The following C11orf65 variants were observed in gnomAD, a reference collection of about 807,000 sequenced individuals.
The protein encoded by C11orf65 is protein MFI.
In C11orf65, 38 loss-of-function variants were observed where a neutral mutation model predicts 35.3. The observed-to-expected ratio is 1.08, with a 90% CI of 0.83 to 1.41. The LOEUF is 1.41. Ranked by LOEUF, C11orf65 falls within the 40% of genes most tolerant of loss-of-function variation. C11orf65 has a pLI of 0.00. For synonymous variants in C11orf65, 105 were observed against 114.4 expected (o/e 0.92, Z 0.53); for missense variants, 370 against 367.1 (o/e 1.01, Z -0.06).
chr11:108,450,485 A>G (rs190716530), intron 2 of C11orf65, among the ~76,000 whole-genome samples: 57 of 151,666 alleles, frequency 3.8e-4, no homozygotes, highest in Middle Eastern at 3.4e-3. Context: ...GAACATGGAT[A>G]AAACTGGAAA....
chr11:108,352,974 GTATGAAGGATCCT>G (rs1043701939), intron 2 of C11orf65, among the ~76,000 whole-genome samples: 10 of 152,098 alleles, frequency 6.6e-5, no homozygotes, highest in African/African-American at 2.4e-4. Flanking sequence ...GTAAAGGGCA[GTATGAAGGATCCT>G]TATGATAGGA....
chr11:108,440,183 C>T (rs186793447), intron 2 of C11orf65, among the ~76,000 whole-genome samples: 1 of 152,162 alleles, frequency 6.6e-6, no homozygotes, highest in African/African-American at 2.4e-5. Flanking sequence ...TAATCAAGGG[C>T]AAATATTGTA....
chr11:108,358,464 G>C (rs1007007104), intron 2 of C11orf65, among the ~76,000 whole-genome samples: 2 of 151,008 alleles, frequency 1.3e-5, no homozygotes, highest in African/African-American at 2.4e-5. Flanking sequence ...GATACTCTTT[G>C]AGAAGAGCAA....
intron 2 of C11orf65, among the ~76,000 whole-genome samples, chr11:108,460,698 A>T (rs943173413): frequency 1.3e-5 from 2 of 152,048 alleles, no homozygotes; most frequent in East Asian, 3.8e-4. Flanking sequence ...AAATAATTGT[A>T]ACTTTTTGAA....
Position 108,385,931 on chromosome 11 carries a change from G to A in C11orf65, c.776C>T (p.Ala259Val). The A allele has an allele frequency of 6.2e-7, 1 of 1,613,812 alleles. No homozygotes were observed. The change falls in exon 8 of 9, where the codon GCT (alanine) becomes GTT (valine). Residue 259 changes from alanine (A) to valine (V), a missense_variant. Coordinates refer to ENST00000393084, the MANE Select transcript of C11orf65 (RefSeq NM_152587.5). ...TAAAAATCACCTACCTTTGAAGTTA[G>A]CCGAAGAGTTGCTTGTAGCAATTTC... ...WKEIATSNSS[A>V]NFKGFRFNQA...
intron 6 of C11orf65, among the ~76,000 whole-genome samples, chr11:108,314,070 G>T (rs945803201): frequency 1.1e-4 from 17 of 151,982 alleles, no homozygotes; most frequent in African/African-American, 3.9e-4. Context: ...ACCAAATTGA[G>T]TTTTCAAGAG....
rs141842151 is a variant in C11orf65, at chr11:108,403,924, T to C, written c.560+1505A>G. On this transcript the variant is annotated intron_variant, in intron 6 of 8. Coordinates refer to ENST00000393084, the MANE Select transcript of C11orf65 (RefSeq NM_152587.5). The stretch of plus-strand genomic sequence containing the variant: ...CTGACTGATTCCAAGGAATGAGTCA[T>C]CTTGCTCACCTGATTATTAAGATTC... Among the ~76,000 whole-genome samples the C allele has an allele frequency of 2.6e-5, 4 of 152,184 alleles. No homozygotes were observed. In the East Asian group the frequency reaches 7.7e-4, roughly 29 times the overall value.
rs55778600 is a variant in C11orf65, at chr11:108,346,398, T to G, written c.227-11106A>C. 6.1e-3 allele frequency: 940 copies of G among 153,198 alleles called. 9 individuals are homozygous for G. Among genetic ancestry groups the G allele is most frequent in the South Asian group, 0.047 (227 of 4,872 alleles). The allele number at this position is 153,198 out of a possible 1,614,324, so 9.5% of individuals were successfully genotyped here. The stretch of plus-strand genomic sequence containing the variant: ...TTTTGTGTACAATATATATTTTGAC[T>G]TTTTTTCCCTAAGAAATTAGAATAG... On this transcript the variant is annotated intron_variant, in intron 2 of 3. Coordinates refer to the C11orf65 transcript ENST00000524755.
chr11:108,402,576 T>C (rs953028713), intron 6 of C11orf65, among the ~76,000 whole-genome samples: 2 of 151,790 alleles, frequency 1.3e-5, no homozygotes, highest in African/African-American at 4.8e-5. Flanking sequence ...TTTTTTTTAC[T>C]ATTTTATTGA....
chr11:108,402,547 C>T (rs947366330), intron 6 of C11orf65, among the ~76,000 whole-genome samples: 3 of 130,200 alleles, frequency 2.3e-5, no homozygotes, highest in Non-Finnish European at 4.8e-5. Flanking sequence ...TGATTTTCTG[C>T]ACAGGTTTTT....
intron 6 of C11orf65, among the ~76,000 whole-genome samples, chr11:108,399,210 C>T (rs2092388128): frequency 6.6e-6 from 1 of 152,150 alleles, no homozygotes. Context: ...GAGCTGTCTG[C>T]CTCATATAAG....
intron 1 of C11orf65, among the ~76,000 whole-genome samples, chr11:108,467,198 G>A (rs1011415200): frequency 2.6e-5 from 4 of 152,144 alleles, no homozygotes; most frequent in Non-Finnish European, 1.5e-5. Context: ...TGAGCAGTAA[G>A]GACTTGTCAA....
At chr11:108,335,260 A>G (rs760976326) in exon 3 of C11orf65, 83 of 1,530,614 alleles carry the variant, frequency 5.4e-5, no homozygotes, top group Non-Finnish European at 6.8e-5. Context: ...ATTATTTTCT[A>G]GAACCAGGCT....
intron 7 of C11orf65, among the ~76,000 whole-genome samples, chr11:108,386,852 T>C (rs2092012882): frequency 6.6e-6 from 1 of 151,932 alleles, no homozygotes; most frequent in Non-Finnish European, 1.5e-5. Flanking sequence ...AAGGCCGAGG[T>C]GGGCGGATCA....
rs568799130 is a variant in C11orf65 at position 108,453,148 on chromosome 11, A to T, written c.81+8331T>A. On this transcript the variant is annotated intron_variant, in intron 2 of 8. Coordinates refer to ENST00000393084, the MANE Select transcript of C11orf65 (RefSeq NM_152587.5). ...GTACCCTAGAACTTAAAGTATAATT[A>T]AAAAAAAAAGAAAAAAGAAAAAAAA... 8.3e-4 allele frequency among the ~76,000 whole-genome samples: 121 copies of T among 144,946 alleles called. 3 individuals are homozygous for T. The South Asian group carries it at 0.02, about 24-fold the overall frequency.
chr11:108,321,760 C>T (rs2085247553), intron 6 of C11orf65, among the ~76,000 whole-genome samples: 1 of 151,010 alleles, frequency 6.6e-6, no homozygotes, highest in Non-Finnish European at 1.5e-5. Context: ...GGATTCCAGC[C>T]TGGGCAACAG....
intron 3 of C11orf65, among the ~76,000 whole-genome samples, chr11:108,332,502 T>TA (rs1456830665): frequency 6.6e-6 from 1 of 152,186 alleles, no homozygotes; most frequent in Non-Finnish European, 1.5e-5. Flanking sequence ...GCATAGGAGA[T>TA]ACCAGTAGTA....
At chr11:108,410,451 T>C (rs1159046414) in intron 3 of C11orf65, among the ~76,000 whole-genome samples, 1 of 152,168 alleles carries the variant, frequency 6.6e-6, no homozygotes, top group Non-Finnish European at 1.5e-5. Flanking sequence ...CCTCCCTGAC[T>C]CAACTGATCC....
intron 5 of C11orf65, 29 bp from the exon 6 acceptor site, chr11:108,405,588 A>C: frequency 1.2e-6 from 2 of 1,606,790 alleles, no homozygotes; most frequent in African/African-American, 2.7e-5. Context: ...GAACATACAA[A>C]ATGTTGAAAT....
Sources: gnomAD v4.1 joint callset for allele counts (sites outside exome capture counted in the v4.1 genomes callset) on GRCh38, gnomAD v4.1.1 for gene constraint, MANE v1.5 for transcripts, NCBI Gene and HGNC (gene_info 2026-07-23, HGNC 2026-07-21) for gene names.